Variants in NREP observed in about 807,000 individuals in gnomAD.
NREP encodes the protein neuronal regeneration related protein, also known as neuronal regeneration-related protein.
NREP carries 5 observed loss-of-function variants against 8.6 expected under a neutral mutation model. That is an observed-to-expected ratio of 0.58 (90% CI 0.30 to 1.22). The LOEUF is 1.22. Ranked by LOEUF, NREP falls within the 50% of genes most tolerant of loss-of-function variation. The probability of loss-of-function intolerance (pLI) is 0.07; values close to 1 mark genes in which losing one functional copy is unlikely to be tolerated. For synonymous variants in NREP, 27 were observed against 28.0 expected (o/e 0.96, Z 0.11); for missense variants, 86 against 82.5 (o/e 1.04, Z -0.17).
At chr5:111,763,012 G>A (rs898102315) in intron 2 of NREP, among the ~76,000 whole-genome samples, 2 of 152,120 alleles carry the variant, frequency 1.3e-5, no homozygotes, top group African/African-American at 4.8e-5. Context: ...TAAAATTCAC[G>A]GCTCGTTTTT....
At chr5:111,915,328 A>T (rs1755026948) in intron 2 of NREP, among the ~76,000 whole-genome samples, 2 of 149,208 alleles carry the variant, frequency 1.3e-5, no homozygotes, top group South Asian at 4.2e-4. Context: ...TTCTCTCTGT[A>T]ATGCTTCCTC....
chr5:111,963,103 A>T lies in NREP; in HGVS notation c.135+12171T>A, dbSNP rs143945320. Among the ~76,000 whole-genome samples the T allele has an allele frequency of 5.9e-3, 903 of 152,382 alleles. 9 individuals are homozygous for T. Among genetic ancestry groups the T allele is most frequent in the African/African-American group, 0.021 (866 of 41,598 alleles). ...GCAAGGGGCCCACTGAGTGGATAAC[A>T]CATGGCTGTCCACAGACAGCAGAGC... On this transcript the variant is annotated intron_variant, in intron 2 of 3. Coordinates refer to the NREP transcript ENST00000395634.
In NREP at chr5:111,975,459, G is replaced by C. The variant is rs149344164; in HGVS notation, c.31-81C>G. ...ACTCACAGCTCCAGCAATTCAGAGAGGAGGAGAATGGGCATTGTTCTCATT... is the reference window on the plus strand; with the variant it reads ...ACTCACAGCTCCAGCAATTCAGAGACGAGGAGAATGGGCATTGTTCTCATT... On this transcript the variant is annotated intron_variant, in intron 1 of 3. Transcript: ENST00000395634. 3.1e-5 allele frequency: 27 copies of C among 872,468 alleles called. No homozygotes were observed. The South Asian group carries it at 3.8e-4, about 12-fold the overall frequency. The allele number at this position is 872,468 out of a possible 1,614,324, so 54.0% of individuals were successfully genotyped here.
intron 2 of NREP, among the ~76,000 whole-genome samples, chr5:111,890,315 G>A (rs1052996674): frequency 6.6e-6 from 1 of 152,208 alleles, no homozygotes. Context: ...TGCCCCTATG[G>A]CTTTGTACTG....
intron 2 of NREP, among the ~76,000 whole-genome samples, chr5:111,913,684 C>T (rs1325773897): frequency 6.6e-6 from 1 of 152,012 alleles, no homozygotes; most frequent in Non-Finnish European, 1.5e-5. Context: ...ACATGCTTTC[C>T]TACTTCACAA....
At chr5:111,855,612 C>T (rs1358188274) in intron 2 of NREP, among the ~76,000 whole-genome samples, 2 of 152,164 alleles carry the variant, frequency 1.3e-5, no homozygotes, top group African/African-American at 4.8e-5. Flanking sequence ...GTTTGTACAA[C>T]AATCTTTGCT....
At chr5:111,960,646 C>T (rs1756453888) in intron 2 of NREP, among the ~76,000 whole-genome samples, 1 of 152,134 alleles carries the variant, frequency 6.6e-6, no homozygotes, top group East Asian at 1.9e-4. Context: ...GTCTAGAGCC[C>T]ACTTGAATTG....
chr5:111,750,029 G>A lies in NREP; in HGVS notation c.3+5741C>T, dbSNP rs529625992. ...CCTGAGACAGGTTGGTAACCTGAGT[G>A]AGAGCCCTGGGCCATCTCTAAGATG... is the stretch of plus-strand genomic sequence containing the variant. On this transcript the variant is annotated intron_variant, in intron 2 of 3. Coordinates refer to ENST00000257435, the MANE Select transcript of NREP (RefSeq NM_004772.4). Among the ~76,000 whole-genome samples the A allele has an allele frequency of 2.0e-4, 30 of 152,268 alleles. No individual in the cohort carries two copies. The South Asian group carries it at 4.4e-3, about 22-fold the overall frequency.
chr5:111,806,112 G>C lies in NREP; in HGVS notation c.136-70605C>G, dbSNP rs143725198. Reference sequence around the variant, plus strand: ...GTGTTATTCTTGCCTCTCTTCTGTGGGTTTGAAATTTTTCAAAATAAAAAG... The same window carrying C: ...GTGTTATTCTTGCCTCTCTTCTGTGCGTTTGAAATTTTTCAAAATAAAAAG... On this transcript the variant is annotated intron_variant, in intron 2 of 3. Transcript: ENST00000395634. Among the ~76,000 whole-genome samples the C allele has an allele frequency of 6.9e-3, 1,051 of 152,176 alleles. 11 individuals are homozygous for C. The highest frequency in any genetic ancestry group is 0.024 in the African/African-American group (981 of 41,508).
At chr5:111,970,322 A>T (rs910024368) in intron 2 of NREP, among the ~76,000 whole-genome samples, 2 of 152,162 alleles carry the variant, frequency 1.3e-5, no homozygotes, top group Non-Finnish European at 2.9e-5. Flanking sequence ...TGTCAAAATG[A>T]TGGCATTGGT....
chr5:111,967,558 A>G (rs1333405868), intron 2 of NREP, among the ~76,000 whole-genome samples: 3 of 152,198 alleles, frequency 2.0e-5, no homozygotes, highest in Non-Finnish European at 4.4e-5. Flanking sequence ...ACCTTCAATC[A>G]CCATAGCTTC....
chr5:111,862,931 GATACTAGA>G (rs1346023854), intron 2 of NREP, among the ~76,000 whole-genome samples: 1 of 150,120 alleles, frequency 6.7e-6, no homozygotes, highest in Non-Finnish European at 1.5e-5. Flanking sequence ...AGGTGAGCAG[GATACTAGA>G]TCAGCTAGGG....
chr5:111,780,598 G>C (rs1751470067), intron 2 of NREP, among the ~76,000 whole-genome samples: 1 of 152,150 alleles, frequency 6.6e-6, no homozygotes, highest in African/African-American at 2.4e-5. Flanking sequence ...GTATTTCATT[G>C]TGTATGTAAA....
chr5:111,730,832 A>G lies in NREP; in HGVS notation c.*89T>C. On this transcript the variant is annotated 3_prime_UTR_variant, in exon 4 of 4. Coordinates refer to ENST00000257435, the MANE Select transcript of NREP (RefSeq NM_004772.4). ...GTCCCATAGTTTCTTCTTATACTTG[A>G]TGATTTACACAGAAAAAAATCCCAT... 2 of 1,433,324 alleles carry G rather than the reference A, an allele frequency of 1.4e-6. No homozygotes were observed. Among genetic ancestry groups the G allele is most frequent in the Non-Finnish European group, 1.9e-6 (2 of 1,047,578 alleles). 88.8% of individuals were successfully genotyped at this position (1,433,324 alleles called of 1,614,324 possible).
intron 2 of NREP, among the ~76,000 whole-genome samples, chr5:111,825,995 C>A (rs1483257167): frequency 6.6e-6 from 1 of 151,178 alleles, no homozygotes; most frequent in Admixed American, 6.6e-5. Context: ...GCTCTGTCAC[C>A]CAAGCTGGAA....
rs1053126022 is a variant in NREP, at chr5:111,729,882, G to A, written c.*1039C>T. 1 of 152,574 alleles carries A rather than the reference G, an allele frequency of 6.6e-6. No homozygotes were observed. Among genetic ancestry groups the A allele is most frequent in the South Asian group, 2.1e-4 (1 of 4,822 alleles). 9.5% of individuals were successfully genotyped at this position (152,574 alleles called of 1,614,324 possible). A position where few individuals can be genotyped will look rare whatever the true frequency, so the allele number is the denominator to read the frequency against. ...TTTTCCAATTTAATATTTGGAAAAG[G>A]TGTCATTTTCATATTCCCACTCAGA... On this transcript the variant is annotated 3_prime_UTR_variant, in exon 4 of 4. Coordinates refer to ENST00000257435, the MANE Select transcript of NREP (RefSeq NM_004772.4).
intron 2 of NREP, among the ~76,000 whole-genome samples, chr5:111,945,168 C>A: frequency 6.6e-6 from 1 of 152,092 alleles, no homozygotes; most frequent in Non-Finnish European, 1.5e-5. Context: ...TAACTCTTAT[C>A]ATGCTATTTC....
intron 2 of NREP, among the ~76,000 whole-genome samples, chr5:111,887,164 T>A (rs1056222503): frequency 6.6e-6 from 1 of 152,054 alleles, no homozygotes; most frequent in African/African-American, 2.4e-5. Flanking sequence ...GTTCCAGCAA[T>A]CTTCCTTCCT....
intron 2 of NREP, among the ~76,000 whole-genome samples, chr5:111,951,779 G>A (rs764678104): frequency 6.6e-6 from 1 of 151,800 alleles, no homozygotes; most frequent in African/African-American, 2.4e-5. Flanking sequence ...TTTTAAAATC[G>A]TGTCCATTTA....
Sources: gnomAD v4.1 joint callset for allele counts (sites outside exome capture counted in the v4.1 genomes callset) on GRCh38, gnomAD v4.1.1 for gene constraint, MANE v1.5 for transcripts, NCBI Gene and HGNC (gene_info 2026-07-23, HGNC 2026-07-21) for gene names.